THSD4: variants seen among roughly 807,000 people sequenced by gnomAD.
THSD4 encodes thrombospondin type 1 domain containing 4.
A neutral mutation model predicts 119.0 loss-of-function variants in THSD4; 69 were observed. The observed-to-expected ratio is 0.58, with a 90% confidence interval of 0.48 to 0.71. THSD4 has a LOEUF of 0.71. Ranked by LOEUF, THSD4 falls within the 30% of genes least tolerant of loss-of-function variation. The probability of loss-of-function intolerance (pLI) is 0.00; values close to 1 mark genes in which losing one functional copy is unlikely to be tolerated. For missense variants in THSD4, 1,393 were observed against 1,391.1 expected (o/e 1.00, Z -0.02); for synonymous variants, 524 against 540.4 (o/e 0.97, Z 0.42).
intron 7 of THSD4, among the ~76,000 whole-genome samples, chr15:71,584,262 CTTTTTTTT>C (rs71154789): frequency 7.0e-3 from 435 of 61,858 alleles, no homozygotes; most frequent in South Asian, 0.037. Context: ...TTTTCACTTT[CTTTTTTTT>C]TTTTTTTTTT....
chr15:71,359,069 T>A lies in THSD4; in HGVS notation c.1016-52618T>A, dbSNP rs953442500. Among the ~76,000 whole-genome samples the A allele has an allele frequency of 5.3e-5, 8 of 152,190 alleles. No homozygotes were observed. In the South Asian group the frequency reaches 1.0e-3, roughly 20 times the overall value. The stretch of plus-strand genomic sequence containing the variant: ...GTTACTAATTTTAATTTGGTACAAG[T>A]TAACGTAATCCTCAGTCTAAAGAGT... On this transcript the variant is annotated intron_variant, in intron 6 of 17. Coordinates refer to ENST00000261862, the MANE Select transcript of THSD4 (RefSeq NM_024817.3).
At chr15:71,589,803 A>G (rs1442544183) in intron 7 of THSD4, among the ~76,000 whole-genome samples, 1 of 139,276 alleles carries the variant, frequency 7.2e-6, no homozygotes, top group Non-Finnish European at 1.6e-5. Context: ...AACATTCTCA[A>G]TCTCCATCCC....
At chr15:71,308,796 C>A (rs956350015) in intron 6 of THSD4, among the ~76,000 whole-genome samples, 1 of 152,200 alleles carries the variant, frequency 6.6e-6, no homozygotes, top group Non-Finnish European at 1.5e-5. Flanking sequence ...TCCACAGTTA[C>A]CTTTTTGAAG....
intron 8 of THSD4, among the ~76,000 whole-genome samples, chr15:71,666,751 G>A (rs556357704): frequency 6.6e-6 from 1 of 152,300 alleles, no homozygotes; most frequent in South Asian, 2.1e-4. Flanking sequence ...AGAAAACGGA[G>A]GCATGTATTC....
intron 6 of THSD4, among the ~76,000 whole-genome samples, chr15:71,372,641 C>G (rs1409761707): frequency 2.0e-5 from 3 of 152,258 alleles, no homozygotes; most frequent in African/African-American, 4.8e-5. Context: ...CCTCTGGAAG[C>G]TTCGTCTCAG....
chr15:71,740,402 A>G (rs56070930), intron 11 of THSD4, among the ~76,000 whole-genome samples: 12,767 of 152,258 alleles, frequency 0.084, 693 homozygotes, highest in African/African-American at 0.15. Flanking sequence ...CAAAGGAACC[A>G]GATACACTCA....
At chr15:71,417,487 G>A (rs1236647235) in intron 7 of THSD4, among the ~76,000 whole-genome samples, 2 of 107,422 alleles carry the variant, frequency 1.9e-5, no homozygotes, top group African/African-American at 3.2e-5. Context: ...TTTTTTTTGA[G>A]GAGACTGTCC....
chr15:71,713,788 G>T (rs2052557743), intron 8 of THSD4, among the ~76,000 whole-genome samples: 1 of 152,118 alleles, frequency 6.6e-6, no homozygotes, highest in Admixed American at 6.6e-5. Context: ...GATTAGAAAT[G>T]ATTAAGATAG....
At chr15:71,389,226 C>G (rs1039210010) in intron 6 of THSD4, among the ~76,000 whole-genome samples, 1 of 152,158 alleles carries the variant, frequency 6.6e-6, no homozygotes, top group Non-Finnish European at 1.5e-5. Flanking sequence ...CAACAAATCT[C>G]TAGCATTCTT....
intron 7 of THSD4, among the ~76,000 whole-genome samples, chr15:71,415,865 T>C (rs2046753515): frequency 6.6e-6 from 1 of 152,174 alleles, no homozygotes. Context: ...GCTGCAATCT[T>C]GGTTCACTGC....
chr15:71,757,862 C>T lies in THSD4; in HGVS notation c.2416-40C>T, dbSNP rs2053568901. 4 of 1,608,136 alleles carry T rather than the reference C, an allele frequency of 2.5e-6. No homozygotes were observed. In the African/African-American group the frequency reaches 4.0e-5, roughly 16 times the overall value. Reference sequence around the variant, plus strand: ...ATTTGAAAGTGGCTTCAGCAGCTGCCAGGGCCTCCTGACTAATGTGCCCTT... The same window carrying T: ...ATTTGAAAGTGGCTTCAGCAGCTGCTAGGGCCTCCTGACTAATGTGCCCTT... On this transcript the variant is annotated intron_variant, in intron 14 of 17. Coordinates refer to ENST00000261862, the MANE Select transcript of THSD4 (RefSeq NM_024817.3).
At chr15:71,472,329 A>G (rs1205874723) in intron 7 of THSD4, among the ~76,000 whole-genome samples, 5 of 152,178 alleles carry the variant, frequency 3.3e-5, no homozygotes, top group Admixed American at 3.3e-4. Context: ...TTTAAATGCT[A>G]ACTAGTATGT....
At chr15:71,674,545 A>T (rs2051599818) in intron 8 of THSD4, among the ~76,000 whole-genome samples, 1 of 152,096 alleles carries the variant, frequency 6.6e-6, no homozygotes, top group African/African-American at 2.4e-5. Context: ...AACTATGCTG[A>T]TGCCTGAGTC....
At chr15:71,202,342 C>G (rs1024219923) in intron 3 of THSD4, among the ~76,000 whole-genome samples, 2 of 152,166 alleles carry the variant, frequency 1.3e-5, no homozygotes, top group Non-Finnish European at 2.9e-5. Flanking sequence ...CTCTTGGCTA[C>G]TTTCCTGTCT....
At chr15:71,349,380 A>C (rs1052962436) in intron 6 of THSD4, among the ~76,000 whole-genome samples, 80 of 152,082 alleles carry the variant, frequency 5.3e-4, no homozygotes, top group Admixed American at 1.1e-3. Flanking sequence ...ACATGCGTAC[A>C]TTTGCACAAT....
chr15:71,353,933 G>T (rs1052161299), intron 6 of THSD4, among the ~76,000 whole-genome samples: 2 of 152,230 alleles, frequency 1.3e-5, no homozygotes, highest in Non-Finnish European at 2.9e-5. Context: ...AGATGAGATT[G>T]CCAGGTGATT....
chr15:71,458,885 T>A (rs969387123), intron 7 of THSD4, among the ~76,000 whole-genome samples: 19 of 152,270 alleles, frequency 1.2e-4, no homozygotes, highest in East Asian at 9.6e-4. Context: ...AAACAAAAAC[T>A]TATTTACCCT....
chr15:71,427,677 G>GT (rs2046891317), intron 7 of THSD4, among the ~76,000 whole-genome samples: 2 of 150,590 alleles, frequency 1.3e-5, no homozygotes, highest in Non-Finnish European at 3.0e-5. Context: ...TCTGCCCTGA[G>GT]TTAATCTGGT....
chr15:71,727,833 A>G (rs983097270), intron 8 of THSD4, among the ~76,000 whole-genome samples: 2 of 151,208 alleles, frequency 1.3e-5, no homozygotes, highest in African/African-American at 4.9e-5. Context: ...CAATGCAAGT[A>G]TGATAAATGA....
Sources: gnomAD v4.1 joint callset for allele counts (sites outside exome capture counted in the v4.1 genomes callset) on GRCh38, gnomAD v4.1.1 for gene constraint, MANE v1.5 for transcripts, NCBI Gene and HGNC (gene_info 2026-07-23, HGNC 2026-07-21) for gene names.